ATP9A: variants seen among roughly 807,000 people sequenced by gnomAD.
ATP9A encodes probable phospholipid-transporting ATPase IIA.
In ATP9A, 52 loss-of-function variants were observed where a neutral mutation model predicts 144.1. The ratio of observed to expected loss-of-function variants is 0.36; its 90% CI spans 0.29 to 0.45. The LOEUF (loss-of-function observed/expected upper bound fraction) is 0.45, where lower values mean the gene tolerates loss of function less well. Ranked by LOEUF, ATP9A falls within the 20% of genes least tolerant of loss-of-function variation. ATP9A has a pLI of 1.00. For synonymous variants in ATP9A, 582 were observed against 557.4 expected (o/e 1.04, Z -0.62); for missense variants, 947 against 1,392.7 (o/e 0.68, Z 5.09).
At position 51,611,735 on chromosome 20, in the gene ATP9A, T is replaced by G. The variant is rs926497300; in HGVS notation, c.2572-1570A>C. ...AAGGACGGGCTGATTAATCTCCCAA[T>G]CATTAAAGCCACAGCATTATCCTGT... On this transcript the variant is annotated intron_variant, in intron 23 of 27. Coordinates refer to ENST00000338821, the MANE Select transcript of ATP9A (RefSeq NM_006045.3). This position sits in a 1 kb window ranked among gnomAD's most constrained non-coding sequence, Gnocchi z 4.2. Among the ~76,000 whole-genome samples the G allele has an allele frequency of 1.3e-5, 2 of 152,226 alleles. No individual in the cohort carries two copies.
chr20:51,601,369 G>A, intron 27 of ATP9A, 22 bp from the exon 28 acceptor site: 1 of 1,593,456 alleles, frequency 6.3e-7, no homozygotes, highest in Non-Finnish European at 8.6e-7. Context: ...GGGGAAGACG[G>A]CAGTGAGCAG....
At chr20:51,625,879 A>C (rs769810056) in intron 17 of ATP9A, among the ~76,000 whole-genome samples, 5 of 152,244 alleles carry the variant, frequency 3.3e-5, no homozygotes, top group Non-Finnish European at 7.3e-5. Flanking sequence ...GGCCCGCTTG[A>C]AGCACATGCT....
At chr20:51,736,271 G>A (rs1042255710) in intron 1 of ATP9A, among the ~76,000 whole-genome samples, 15 of 152,158 alleles carry the variant, frequency 9.9e-5, no homozygotes, top group African/African-American at 3.6e-4. Flanking sequence ...GACAACACAG[G>A]GCTTTGTCAC....
At chr20:51,606,284 T>C (rs1297611462) in intron 26 of ATP9A, among the ~76,000 whole-genome samples, 5 of 152,178 alleles carry the variant, frequency 3.3e-5, no homozygotes, top group African/African-American at 1.2e-4. Flanking sequence ...AATCCCCAAA[T>C]ACACATGTTT....
chr20:51,710,674 T>C lies in ATP9A; in HGVS notation c.436+2292A>G, dbSNP rs143812825. On this transcript the variant is annotated intron_variant, in intron 4 of 27. Transcript: ENST00000338821. The stretch of plus-strand genomic sequence containing the variant: ...GTGTTCTGTTTTCCCTAGAGTGGGA[T>C]TGGCATAACAATGGACACCAGGGGC... Among the ~76,000 whole-genome samples the C allele has an allele frequency of 8.0e-3, 1,215 of 152,240 alleles. 14 individuals carry two copies. Among genetic ancestry groups the C allele is most frequent in the African/African-American group, 0.027 (1,137 of 41,540 alleles).
rs62228327 is a variant in ATP9A at position 51,644,186 on chromosome 20, T to C, written c.1507-4682A>G. On this transcript the variant is annotated intron_variant, in intron 14 of 27. Transcript: ENST00000338821. ...GAAAAAAAATTATCCCATCTGTCTA[T>C]GTAAAAAAGCTTGGGTGCAGTGTAG... Among the ~76,000 whole-genome samples, 1,312 of 151,312 alleles carry C rather than the reference T, an allele frequency of 8.7e-3. 10 individuals carry two copies. Among genetic ancestry groups the C allele is most frequent in the Admixed American group, 0.019 (294 of 15,166 alleles).
rs565642486 is a variant in ATP9A, at chr20:51,690,352, G to A, written c.723+387C>T. Among the ~76,000 whole-genome samples, 89 of 151,964 alleles carry A rather than the reference G, an allele frequency of 5.9e-4. 1 individual carries two copies. The highest frequency in any genetic ancestry group is 6.6e-4 in the Non-Finnish European group (45 of 67,962). ...GGAGAATGGCGTGAACCCGGGAGAC[G>A]GAGCCTGCAGTGAGCCGAGATGGTG... On this transcript the variant is annotated intron_variant, in intron 8 of 27. Transcript: ENST00000338821.
At chr20:51,731,947 T>C (rs1227621800) in intron 1 of ATP9A, among the ~76,000 whole-genome samples, 5 of 151,854 alleles carry the variant, frequency 3.3e-5, no homozygotes, top group East Asian at 1.9e-4. Flanking sequence ...AGCAACACAT[T>C]AGAGGAGCAA....
intron 14 of ATP9A, among the ~76,000 whole-genome samples, chr20:51,639,955 G>A (rs193073315): frequency 6.6e-6 from 1 of 152,000 alleles, no homozygotes; most frequent in Non-Finnish European, 1.5e-5. Flanking sequence ...GCATGGTGGC[G>A]GACACCTGTA....
At chr20:51,679,215 T>C (rs575361800) in intron 9 of ATP9A, among the ~76,000 whole-genome samples, 139 of 152,102 alleles carry the variant, frequency 9.1e-4, no homozygotes, top group Admixed American at 1.0e-3. Context: ...TCCCAGCCAC[T>C]TGGGAGACTG....
rs575448489 is a variant in ATP9A at position 51,696,286 on chromosome 20, T to C, written c.496-142A>G. ...AAACTCACAGACTCTTTTACGTTTC[T>C]GCCTTTGTCAAAGACAGATTTGGGG... On this transcript the variant is annotated intron_variant, in intron 5 of 27. Coordinates refer to ENST00000338821, the MANE Select transcript of ATP9A (RefSeq NM_006045.3). The C allele has an allele frequency of 1.7e-3, 1,041 of 620,584 alleles. 27 individuals carry two copies. The East Asian group carries it at 0.028, about 16-fold the overall frequency. The allele number at this position is 620,584 out of a possible 1,614,324, so 38.4% of individuals were successfully genotyped here.
intron 1 of ATP9A, among the ~76,000 whole-genome samples, chr20:51,755,135 TAATA>T (rs2077850239): frequency 6.6e-6 from 1 of 150,758 alleles, no homozygotes; most frequent in Non-Finnish European, 1.5e-5. Flanking sequence ...AAAAAATAAG[TAATA>T]AATAAATAAA....
intron 15 of ATP9A, 45 bp downstream of exon 15, chr20:51,639,298 C>A: frequency 6.4e-7 from 1 of 1,572,382 alleles, no homozygotes; most frequent in Non-Finnish European, 8.7e-7. Flanking sequence ...ACGCAGCACA[C>A]CTGGGGTACT....
At chr20:51,608,922 C>CGTGTGTGTGTGTATGT (rs2077174351) in intron 24 of ATP9A, among the ~76,000 whole-genome samples, 1 of 142,794 alleles carries the variant, frequency 7.0e-6, no homozygotes, top group Non-Finnish European at 1.5e-5. Flanking sequence ...GGAAATAAGA[C>CGTGTGTGTGTGTATGT]GTGTGTGTGT....
chr20:51,618,935 C>T lies in ATP9A; in HGVS notation c.2205+19G>A. ...CCAGGCTGCTGGGAGGACTGGCTCT[C>T]AGGGGTCCCCAAGCTCACCTCCAGG... On this transcript the variant is annotated intron_variant, in intron 20 of 27. Coordinates refer to ENST00000338821, the MANE Select transcript of ATP9A (RefSeq NM_006045.3). The T allele has an allele frequency of 1.9e-6, 3 of 1,613,462 alleles. No individual in the cohort carries two copies. The highest frequency in any genetic ancestry group is 2.5e-6 in the Non-Finnish European group (3 of 1,179,508).
chr20:51,674,298 A>G lies in ATP9A; in HGVS notation c.892T>C (p.Leu298=), dbSNP rs933136866. ...NPRSKIGLFD[L]EVNCLTKILF... Reference sequence around the variant, plus strand: ...ATCTTGGTGAGGCAGTTCACTTCCAAGTCGAACAGGCCGATCTGTGGGACG... The same window carrying G: ...ATCTTGGTGAGGCAGTTCACTTCCAGGTCGAACAGGCCGATCTGTGGGACG... The change falls in exon 11 of 28, where the codon TTG becomes CTG. Residue 298 remains leucine (L), a synonymous_variant. Transcript: ENST00000338821. The G allele has an allele frequency of 9.9e-6, 16 of 1,613,476 alleles. No homozygotes were observed. The highest frequency in any genetic ancestry group is 1.4e-5 in the Non-Finnish European group (16 of 1,179,954).
At chr20:51,603,727 T>G (rs2077152081) in intron 27 of ATP9A, among the ~76,000 whole-genome samples, 1 of 152,094 alleles carries the variant, frequency 6.6e-6, no homozygotes, top group Non-Finnish European at 1.5e-5. Flanking sequence ...CACATTAGGA[T>G]GGTGCTGACA....
intron 1 of ATP9A, among the ~76,000 whole-genome samples, chr20:51,758,954 G>A (rs757177839): frequency 2.0e-5 from 3 of 152,124 alleles, no homozygotes; most frequent in South Asian, 2.1e-4. Flanking sequence ...CCGTCTGCAA[G>A]GAAGCCCGGC....
rs775490919 is a variant in ATP9A, at chr20:51,627,668, G to A, written c.1777C>T (p.Arg593Ter). The change falls in exon 17 of 28, where the codon CGA (arginine) becomes TGA (stop). Residue 593 changes from arginine to a stop codon, truncating the protein, a stop_gained. Coordinates refer to ENST00000338821, the MANE Select transcript of ATP9A (RefSeq NM_006045.3). LOFTEE classifies it high-confidence loss of function. Reference sequence around the variant, plus strand: ...ACCACGAGCACCCGCAGCCCTTCTCGGGCCATGTTGCCACACTGAAAAATA... The same window carrying A: ...ACCACGAGCACCCGCAGCCCTTCTCAGGCCATGTTGCCACACTGAAAAATA... ...WLEEECGNMA[R>*]EGLRVLVVAK... is the part of the protein sequence containing the mutation. The A allele has an allele frequency of 3.1e-6, 5 of 1,614,138 alleles. No individual in the cohort carries two copies. Among genetic ancestry groups the A allele is most frequent in the Non-Finnish European group, 4.2e-6 (5 of 1,180,014 alleles).
Sources: allele counts gnomAD v4.1 joint callset (sites outside exome capture counted in the v4.1 genomes callset), GRCh38; gene constraint gnomAD v4.1.1; non-coding constraint Gnocchi (gnomAD v3.1); transcripts MANE v1.5; gene names NCBI Gene and HGNC (gene_info 2026-07-23, HGNC 2026-07-21).